The following TRAPPC9 variants were observed in gnomAD, a reference collection of about 807,000 sequenced individuals.
TRAPPC9 encodes trafficking protein particle complex subunit 9, also known as IKK2 binding protein.
Under a neutral mutation model 124.0 loss-of-function variants are expected in TRAPPC9, and 83 were observed. That is an observed-to-expected ratio of 0.67 (90% CI 0.56 to 0.80). The LOEUF (loss-of-function observed/expected upper bound fraction) is 0.80. TRAPPC9 is among the 30% of genes least tolerant of loss of function. TRAPPC9 has a pLI of 0.00. For synonymous variants in TRAPPC9, 638 were observed against 617.5 expected (o/e 1.03, Z -0.49); for missense variants, 1,302 against 1,508.3 (o/e 0.86, Z 2.27).
At position 139,929,081 on chromosome 8, in the gene TRAPPC9, C is replaced by T. The variant is rs1049015246; in HGVS notation, c.2811-18781G>A. 5.9e-5 allele frequency among the ~76,000 whole-genome samples: 9 copies of T among 152,048 alleles called. No individual in the cohort carries two copies. The South Asian group carries it at 6.2e-4, about 11-fold the overall frequency. ...AAATCTATGACTAGCAAATACTTCACGAAATCGGGAATTATTTTTAGTTCT... is the reference window on the plus strand; with the variant it reads ...AAATCTATGACTAGCAAATACTTCATGAAATCGGGAATTATTTTTAGTTCT... On this transcript the variant is annotated intron_variant, in intron 19 of 22. Coordinates refer to ENST00000438773, the MANE Select transcript of TRAPPC9 (RefSeq NM_001160372.4).
chr8:140,164,211 A>C (rs986230883), intron 17 of TRAPPC9, among the ~76,000 whole-genome samples: 1 of 152,106 alleles, frequency 6.6e-6, no homozygotes, highest in Non-Finnish European at 1.5e-5. Flanking sequence ...TTACAACCAA[A>C]CTTCACAAAA....
intron 18 of TRAPPC9, among the ~76,000 whole-genome samples, chr8:139,996,991 C>G (rs1347354953): frequency 2.0e-5 from 3 of 152,186 alleles, no homozygotes; most frequent in African/African-American, 7.2e-5. Context: ...AGGTGATCCA[C>G]CCACCTCTGC....
At chr8:139,800,510 A>AG (rs1345328834) in intron 21 of TRAPPC9, among the ~76,000 whole-genome samples, 2 of 152,204 alleles carry the variant, frequency 1.3e-5, no homozygotes, top group Non-Finnish European at 2.9e-5. Context: ...CCCAAAGCTG[A>AG]GGGGCAGTGA....
chr8:140,262,033 C>T (rs2064435418), intron 15 of TRAPPC9, among the ~76,000 whole-genome samples: 1 of 152,134 alleles, frequency 6.6e-6, no homozygotes, highest in African/African-American at 2.4e-5. Flanking sequence ...CTCATTAAAT[C>T]CACACACTGA....
Position 140,104,674 on chromosome 8 carries a change from G to A in TRAPPC9, c.2557-80595C>T, listed in dbSNP as rs762547616. Among the ~76,000 whole-genome samples, 17 of 152,070 alleles carry A rather than the reference G, an allele frequency of 1.1e-4. No individual in the cohort carries two copies. Among genetic ancestry groups the A allele is most frequent in the Admixed American group, 3.3e-4 (5 of 15,264 alleles). ...ACACACAGGTGCTGTAAAAAGCTAC[G>A]ACACACACCCTCCTGGGGGTGCCAT... On this transcript the variant is annotated intron_variant, in intron 17 of 22. Coordinates refer to ENST00000438773, the MANE Select transcript of TRAPPC9 (RefSeq NM_001160372.4). The surrounding 1 kb of genome is among the most constrained non-coding windows in gnomAD (Gnocchi z 4.0).
In TRAPPC9 at chr8:139,835,840, G is replaced by C. The variant is rs190817699; in HGVS notation, c.3055+50039C>G. ...ACAAAAAGGATGAGGCTCCGAGGAC[G>C]GCAGAGAGTGCAAGAATCACCACCC... On this transcript the variant is annotated intron_variant, in intron 21 of 22. Coordinates refer to ENST00000438773, the MANE Select transcript of TRAPPC9 (RefSeq NM_001160372.4). Among the ~76,000 whole-genome samples, 3 of 152,112 alleles carry C rather than the reference G, an allele frequency of 2.0e-5. No individual in the cohort carries two copies. In the South Asian group the frequency reaches 6.2e-4, roughly 32 times the overall value.
chr8:140,211,812 G>A (rs1320689635), intron 17 of TRAPPC9, among the ~76,000 whole-genome samples: 6 of 152,162 alleles, frequency 3.9e-5, no homozygotes, highest in African/African-American at 1.4e-4. Context: ...GAATATCCGG[G>A]TCAAGAAATG....
chr8:140,237,280 G>A (rs1034355070), intron 16 of TRAPPC9, among the ~76,000 whole-genome samples: 2 of 151,756 alleles, frequency 1.3e-5, no homozygotes, highest in African/African-American at 4.8e-5. Flanking sequence ...AGGGAGACTT[G>A]CCCCATCAGA....
intron 17 of TRAPPC9, among the ~76,000 whole-genome samples, chr8:140,220,749 C>G (rs1422718375): frequency 6.6e-6 from 1 of 152,214 alleles, no homozygotes; most frequent in Non-Finnish European, 1.5e-5. Context: ...AGTCCCTGCC[C>G]TCTTAAATTT....
intron 19 of TRAPPC9, among the ~76,000 whole-genome samples, chr8:139,941,962 A>C (rs1156789424): frequency 6.6e-6 from 1 of 152,204 alleles, no homozygotes; most frequent in African/African-American, 2.4e-5. Flanking sequence ...ACAGAGACAC[A>C]TGAGGGTGTA....
intron 17 of TRAPPC9, among the ~76,000 whole-genome samples, chr8:140,168,122 G>A (rs966637259): frequency 3.9e-5 from 6 of 152,194 alleles, no homozygotes; most frequent in African/African-American, 1.4e-4. Flanking sequence ...ATAACGAGAT[G>A]CACTGACAAT....
chr8:140,071,648 T>C (rs1368841105), intron 17 of TRAPPC9, among the ~76,000 whole-genome samples: 1 of 151,414 alleles, frequency 6.6e-6, no homozygotes, highest in Non-Finnish European at 1.5e-5. Context: ...CGGTAACGCC[T>C]GCCCCACAGG....
intron 21 of TRAPPC9, among the ~76,000 whole-genome samples, chr8:139,789,071 C>T (rs1822473843): frequency 6.6e-6 from 1 of 152,222 alleles, no homozygotes; most frequent in Admixed American, 6.5e-5. Context: ...CTCATCTAAA[C>T]ATCATAAATT....
At chr8:140,062,101 C>A (rs748642553) in intron 17 of TRAPPC9, among the ~76,000 whole-genome samples, 1 of 152,234 alleles carries the variant, frequency 6.6e-6, no homozygotes, top group Non-Finnish European at 1.5e-5. Context: ...AAAGGCAACA[C>A]CTTCCAGGAC....
chr8:139,799,935 G>C (rs1156244047), intron 21 of TRAPPC9, among the ~76,000 whole-genome samples: 1 of 152,266 alleles, frequency 6.6e-6, no homozygotes, highest in African/African-American at 2.4e-5. Flanking sequence ...CTAATCACGA[G>C]AGGGAAGTGA....
intron 21 of TRAPPC9, among the ~76,000 whole-genome samples, chr8:139,768,282 G>A (rs947087765): frequency 7.2e-5 from 11 of 152,232 alleles, no homozygotes; most frequent in Non-Finnish European, 1.6e-4. Context: ...TCAGCATTGA[G>A]GATCTGGTGC....
At chr8:140,428,750 C>G (rs552417725) in intron 4 of TRAPPC9, among the ~76,000 whole-genome samples, 6 of 152,180 alleles carry the variant, frequency 3.9e-5, no homozygotes, top group Non-Finnish European at 8.8e-5. Context: ...AAATACAAAT[C>G]AAGTTCATCT....
At chr8:139,934,478 T>C (rs1178509362) in intron 19 of TRAPPC9, among the ~76,000 whole-genome samples, 1 of 152,244 alleles carries the variant, frequency 6.6e-6, no homozygotes, top group Non-Finnish European at 1.5e-5. Flanking sequence ...TCCAATCTCT[T>C]GTAGGCCATG....
chr8:140,102,065 T>C (rs1407771377), intron 17 of TRAPPC9, among the ~76,000 whole-genome samples: 1 of 152,236 alleles, frequency 6.6e-6, no homozygotes, highest in Non-Finnish European at 1.5e-5. Context: ...TGTGGTTTTA[T>C]ATGCTGTTTT....
Sources: gnomAD v4.1 joint callset for allele counts (sites outside exome capture counted in the v4.1 genomes callset) on GRCh38, gnomAD v4.1.1 for gene constraint, Gnocchi (gnomAD v3.1) non-coding constraint, MANE v1.5 for transcripts, NCBI Gene and HGNC (gene_info 2026-07-23, HGNC 2026-07-21) for gene names.